The following MON2 variants were observed in gnomAD, a reference collection of about 807,000 sequenced individuals.
MON2 encodes the protein protein MON2 homolog.
A neutral mutation model predicts 208.6 loss-of-function variants in MON2; 84 were observed. That is an observed-to-expected ratio of 0.40 (90% CI 0.34 to 0.48). The LOEUF (loss-of-function observed/expected upper bound fraction) is 0.48. Ranked by LOEUF, MON2 falls within the 20% of genes least tolerant of loss-of-function variation. The pLI is 0.59. For missense variants in MON2, 1,611 were observed against 2,015.4 expected (o/e 0.80, Z 3.84); for synonymous variants, 660 against 694.0 (o/e 0.95, Z 0.77).
At chr12:62,526,233 C>G (rs1258315780) in intron 11 of MON2, 131 bp downstream of exon 11, 5 of 859,444 alleles carry the variant, frequency 5.8e-6, no homozygotes, top group Non-Finnish European at 8.9e-6. Context: ...CATTTTCTTT[C>G]GTCATATTTT....
chr12:62,489,099 A>G (rs752945576), intron 2 of MON2, among the ~76,000 whole-genome samples: 2 of 152,174 alleles, frequency 1.3e-5, no homozygotes, highest in Non-Finnish European at 2.9e-5. Context: ...ATGTTTCAGT[A>G]TTTAGAATTA....
rs542205461 is a variant in MON2 at position 62,503,157 on chromosome 12, C to T, written c.789+1459C>T. Among the ~76,000 whole-genome samples, 4 of 152,256 alleles carry T rather than the reference C, an allele frequency of 2.6e-5. No individual in the cohort carries two copies. In the South Asian group the frequency reaches 6.2e-4, roughly 24 times the overall value. ...ACATATTAATATTCTCTTTTATCTT[C>T]CCAAATGCCTGAGATACCAGTTATC... On this transcript the variant is annotated intron_variant, in intron 7 of 34. Coordinates refer to ENST00000393630, the MANE Select transcript of MON2 (RefSeq NM_015026.3).
chr12:62,480,735 T>C lies in MON2; in HGVS notation c.112-3435T>C, dbSNP rs564325018. Among the ~76,000 whole-genome samples the C allele has an allele frequency of 1.1e-4, 17 of 152,354 alleles. No individual in the cohort carries two copies. In the South Asian group the frequency reaches 3.3e-3, roughly 30 times the overall value. On this transcript the variant is annotated intron_variant, in intron 1 of 34. Coordinates refer to ENST00000393630, the MANE Select transcript of MON2 (RefSeq NM_015026.3). ...ATCTATCATCTAGCACGCTACAGGATGGATTTTGGAAACCGTTAAGGTTTG... is the reference window on the plus strand; with the variant it reads ...ATCTATCATCTAGCACGCTACAGGACGGATTTTGGAAACCGTTAAGGTTTG...
At chr12:62,590,565 A>G (rs922905221) in intron 34 of MON2, among the ~76,000 whole-genome samples, 1 of 152,192 alleles carries the variant, frequency 6.6e-6, no homozygotes, top group Non-Finnish European at 1.5e-5. Flanking sequence ...ACAGACAACC[A>G]TTTTTATTAG....
intron 24 of MON2, among the ~76,000 whole-genome samples, chr12:62,554,855 C>T (rs777065117): frequency 7.2e-5 from 11 of 151,940 alleles, no homozygotes; most frequent in African/African-American, 2.2e-4. Context: ...TTTGTTTTGT[C>T]GTGATCTCTG....
At chr12:62,558,866 T>G in intron 25 of MON2, among the ~76,000 whole-genome samples, 1 of 151,990 alleles carries the variant, frequency 6.6e-6, no homozygotes, top group East Asian at 1.9e-4. Flanking sequence ...CCAGCTAATT[T>G]TTTGTATTTT....
chr12:62,478,121 TTGTGTGTGTGTG>T (rs59861392), intron 1 of MON2, among the ~76,000 whole-genome samples: 7 of 149,690 alleles, frequency 4.7e-5, no homozygotes, highest in African/African-American at 7.4e-5. Context: ...TAGATATAAT[TTGTGTGTGTGTG>T]TGTGTGTGTG....
chr12:62,558,975 G>A (rs994037328), intron 25 of MON2, among the ~76,000 whole-genome samples: 2 of 152,158 alleles, frequency 1.3e-5, no homozygotes, highest in Admixed American at 1.3e-4. Flanking sequence ...AGGGATTACA[G>A]ATGTGAGGCA....
intron 22 of MON2, among the ~76,000 whole-genome samples, chr12:62,548,901 C>T (rs1195246319): frequency 1.3e-5 from 2 of 151,728 alleles, no homozygotes; most frequent in East Asian, 1.9e-4. Context: ...TTTTATATTT[C>T]TTTGGAGATT....
intron 34 of MON2, chr12:62,588,788 C>G (rs1379971259): frequency 2.4e-6 from 2 of 847,724 alleles, no homozygotes; most frequent in Non-Finnish European, 3.7e-6. Flanking sequence ...ATTTCCCCTA[C>G]TCTGCACTAA....
rs1162477875 is a variant in MON2, at chr12:62,596,512, C to T, written c.*3763C>T. 6.6e-6 allele frequency: 1 copy of T among 152,172 alleles called. No individual in the cohort carries two copies. The highest frequency in any genetic ancestry group is 1.5e-5 in the Non-Finnish European group (1 of 68,036). 9.4% of individuals were successfully genotyped at this position (152,172 alleles called of 1,614,324 possible). A position where few individuals can be genotyped will look rare whatever the true frequency, so the allele number is the denominator to read the frequency against. Reference sequence around the variant, plus strand: ...GCAGCCAGGTATGTTCCTTAGATTTCCACTTAGGTTTGGCATTTTGGCAGA... The same window carrying T: ...GCAGCCAGGTATGTTCCTTAGATTTTCACTTAGGTTTGGCATTTTGGCAGA... On this transcript the variant is annotated 3_prime_UTR_variant, in exon 35 of 35. Transcript: ENST00000393630.
intron 1 of MON2, chr12:62,470,671 A>T (rs2068751258): frequency 9.6e-7 from 1 of 1,046,694 alleles, no homozygotes; most frequent in African/African-American, 1.7e-5. Context: ...TTTCATGAAT[A>T]AAAACTTTCT....
chr12:62,488,863 T>C (rs1395339144), intron 2 of MON2, among the ~76,000 whole-genome samples: 1 of 152,060 alleles, frequency 6.6e-6, no homozygotes, highest in African/African-American at 2.4e-5. Flanking sequence ...TGCTGTATGA[T>C]AGGGGAGGGA....
intron 2 of MON2, among the ~76,000 whole-genome samples, chr12:62,492,318 T>C (rs1012392473): frequency 6.6e-5 from 10 of 152,106 alleles, no homozygotes; most frequent in African/African-American, 2.4e-4. Context: ...TTTATATGTC[T>C]TTATTGCATG....
Position 62,598,069 on chromosome 12 carries a change from A to G in MON2, c.*5320A>G, listed in dbSNP as rs2075562456. On this transcript the variant is annotated 3_prime_UTR_variant, in exon 35 of 35. Transcript: ENST00000393630. ...AGGCAGCATATTGCCCATGTATTTCAACTATTTTCATTTTTCTGTTGCAAA... is the reference window on the plus strand; with the variant it reads ...AGGCAGCATATTGCCCATGTATTTCGACTATTTTCATTTTTCTGTTGCAAA... The G allele has an allele frequency of 6.6e-6, 1 of 152,138 alleles. No homozygotes were observed. Among genetic ancestry groups the G allele is most frequent in the Non-Finnish European group, 1.5e-5 (1 of 68,028 alleles). The allele number at this position is 152,138 out of a possible 1,614,324, so 9.4% of individuals were successfully genotyped here.
intron 7 of MON2, among the ~76,000 whole-genome samples, chr12:62,504,993 A>G (rs922836571): frequency 6.6e-6 from 1 of 152,228 alleles, no homozygotes; most frequent in African/African-American, 2.4e-5. Flanking sequence ...GAACAGGAAA[A>G]GAATACTCCA....
intron 32 of MON2, 86 bp from the exon 33 acceptor site, chr12:62,585,204 TTCTC>T: frequency 1.0e-6 from 1 of 985,190 alleles, no homozygotes; most frequent in South Asian, 1.6e-5. Flanking sequence ...ATTGAGGAAT[TTCTC>T]TCTATTCCTA....
intron 1 of MON2, among the ~76,000 whole-genome samples, chr12:62,481,805 T>C (rs975565996): frequency 6.6e-6 from 1 of 152,206 alleles, no homozygotes; most frequent in Non-Finnish European, 1.5e-5. Flanking sequence ...CAATGAAAGC[T>C]GACTCTGGCT....
chr12:62,563,874 A>C (rs1422794135), intron 26 of MON2, among the ~76,000 whole-genome samples: 3 of 152,134 alleles, frequency 2.0e-5, no homozygotes, highest in Non-Finnish European at 4.4e-5. Flanking sequence ...CAATTCACTT[A>C]GAGTAATTCA....
Sources: gnomAD v4.1 joint callset for allele counts (sites outside exome capture counted in the v4.1 genomes callset) on GRCh38, gnomAD v4.1.1 for gene constraint, MANE v1.5 for transcripts, NCBI Gene and HGNC (gene_info 2026-07-23, HGNC 2026-07-21) for gene names.